The following PFKP variants were observed in gnomAD, a reference collection of about 807,000 sequenced individuals.
PFKP encodes ATP-dependent 6-phosphofructokinase, platelet type.
PFKP carries 101 observed loss-of-function variants against 94.3 expected under a neutral mutation model. That is an observed-to-expected ratio of 1.07 (90% CI 0.91 to 1.26). The LOEUF (loss-of-function observed/expected upper bound fraction) is 1.26. Among genes scored for constraint, PFKP ranks in the 50% most tolerant of loss-of-function variants. PFKP has a pLI of 0.00. For missense variants in PFKP, 1,145 were observed against 1,103.3 expected, an observed-to-expected ratio of 1.04 and a Z score of -0.53; for synonymous variants, 573 against 432.6, an observed-to-expected ratio of 1.32 and a Z score of -4.03.
Position 3,135,537 on chromosome 10 carries a change from C to T in PFKP, c.2123-199C>T, listed in dbSNP as rs543893722. On this transcript the variant is annotated intron_variant, in intron 20 of 21. Coordinates refer to ENST00000381125, the MANE Select transcript of PFKP (RefSeq NM_002627.5). ...CAAAAGCTGCTTTCCAGGAAGCCCT[C>T]GGGGCAGTCCCACAGGAGCAGAGCT... 7.9e-5 allele frequency among the ~76,000 whole-genome samples: 12 copies of T among 152,358 alleles called. No individual in the cohort carries two copies. The South Asian group carries it at 1.9e-3, about 24-fold the overall frequency.
intron 14 of PFKP, 84 bp downstream of exon 14, chr10:3,116,930 C>A (rs181249469): frequency 9.3e-7 from 1 of 1,078,290 alleles, no homozygotes; most frequent in Non-Finnish European, 1.4e-6. Flanking sequence ...TGGGTGCCGA[C>A]GCCAGTTGGA....
intron 16 of PFKP, among the ~76,000 whole-genome samples, chr10:3,126,174 C>T (rs1837923716): frequency 1.3e-5 from 2 of 152,230 alleles, no homozygotes. Flanking sequence ...GTACTTCCTT[C>T]AGAGCTGAGT....
At chr10:3,114,376 C>T (rs1015313455) in intron 13 of PFKP, among the ~76,000 whole-genome samples, 12 of 152,202 alleles carry the variant, frequency 7.9e-5, no homozygotes, top group Non-Finnish European at 1.3e-4. Context: ...TCTTGACCTC[C>T]TGACCTCAGG....
intron 16 of PFKP, among the ~76,000 whole-genome samples, chr10:3,123,003 G>A (rs1007928813): frequency 6.6e-6 from 1 of 152,208 alleles, no homozygotes. Context: ...CTGATGTGGT[G>A]AAGCCTCATC....
intron 1 of PFKP, among the ~76,000 whole-genome samples, chr10:3,080,361 C>T (rs1236371331): frequency 6.6e-6 from 1 of 151,734 alleles, no homozygotes; most frequent in South Asian, 2.1e-4. Context: ...ACTAAAAATA[C>T]AAAAAATTAG....
chr10:3,079,633 G>A (rs563490157), intron 1 of PFKP, among the ~76,000 whole-genome samples: 8 of 141,728 alleles, frequency 5.6e-5, no homozygotes, highest in South Asian at 2.4e-4. Flanking sequence ...ATGAAAGACC[G>A]GTGGGAACGA....
In PFKP at chr10:3,128,326, G is replaced by A. The variant is rs143823984; in HGVS notation, c.1684-1493G>A. On this transcript the variant is annotated intron_variant, in intron 16 of 21. Coordinates refer to ENST00000381125, the MANE Select transcript of PFKP (RefSeq NM_002627.5). Reference sequence around the variant, plus strand: ...GAGACACCGGGATAATTTCTGTGAAGAGAGGACATGGGGTGGCTCCGAGAG... The same window carrying A: ...GAGACACCGGGATAATTTCTGTGAAAAGAGGACATGGGGTGGCTCCGAGAG... Among the ~76,000 whole-genome samples the A allele has an allele frequency of 5.0e-3, 757 of 152,340 alleles. 6 individuals carry two copies. Among genetic ancestry groups the A allele is most frequent in the African/African-American group, 0.017 (721 of 41,574 alleles).
intron 1 of PFKP, among the ~76,000 whole-genome samples, chr10:3,080,704 T>C (rs997261214): frequency 5.3e-5 from 8 of 150,082 alleles, no homozygotes; most frequent in African/African-American, 1.8e-4. Context: ...TTGTTTTTTT[T>C]CTAAACAAGA....
At chr10:3,130,047 T>TAG in intron 17 of PFKP, 64 bp downstream of exon 17, 12 of 1,435,982 alleles carry the variant, frequency 8.4e-6, no homozygotes, top group Non-Finnish European at 1.1e-5. Context: ...GCGGAGTGAA[T>TAG]CATCGTGTCT....
chr10:3,118,787 T>C lies in PFKP; in HGVS notation c.1448T>C (p.Leu483Pro). The C allele has an allele frequency of 1.2e-6, 2 of 1,613,074 alleles. No homozygotes were observed. Among genetic ancestry groups the C allele is most frequent in the South Asian group, 2.2e-5 (2 of 90,918 alleles). The change falls in exon 15 of 22, where the codon CTC becomes CCC. Residue 483 changes from leucine (L) to proline (P), a missense_variant. Leu to Pro is a moderately conservative substitution (Grantham distance 98). Coordinates refer to ENST00000381125, the MANE Select transcript of PFKP (RefSeq NM_002627.5). Reference protein sequence around the residue: ...GGSILGTKRVLPGKYLEEIAT... With the variant: ...GGSILGTKRVPPGKYLEEIAT... ...CTCCACGTGGCTATTTTCAGCGTTC[T>C]CCCGGGGAAGTACTTGGAAGAGATC...
At chr10:3,098,703 T>A (rs555979218) in intron 2 of PFKP, among the ~76,000 whole-genome samples, 392 of 148,006 alleles carry the variant, frequency 2.6e-3, no homozygotes, top group South Asian at 0.011. Flanking sequence ...TAATTGTCCT[T>A]GGGCTTCTTC....
In PFKP at chr10:3,114,269, C is replaced by T. The variant is rs1836569843; in HGVS notation, c.1371+751C>T. ...GGTTCAAGCGATTCTCCTGCCTCAGCCTCCTGAGTAGCTGAAATTACAGGC... is the reference window on the plus strand; with the variant it reads ...GGTTCAAGCGATTCTCCTGCCTCAGTCTCCTGAGTAGCTGAAATTACAGGC... On this transcript the variant is annotated intron_variant, in intron 13 of 21. Transcript: ENST00000381125. Among the ~76,000 whole-genome samples the T allele has an allele frequency of 2.0e-5, 3 of 152,094 alleles. No individual in the cohort carries two copies. In the South Asian group the frequency reaches 6.2e-4, roughly 32 times the overall value.
chr10:3,088,540 G>C (rs1026654575), intron 2 of PFKP, among the ~76,000 whole-genome samples: 11 of 152,176 alleles, frequency 7.2e-5, no homozygotes, highest in Non-Finnish European at 1.0e-4. Flanking sequence ...CCCAGCCGAG[G>C]TGACGGCTCC....
rs992443505 is a variant in PFKP, at chr10:3,123,116, G to A, written c.1683+3072G>A. ...ATGCGGTGCTGGTGAGTGGTCCTCC[G>A]GGCAGAGCAGAAGGAATGAGATACC... On this transcript the variant is annotated intron_variant, in intron 16 of 21. Transcript: ENST00000381125. 6.6e-5 allele frequency among the ~76,000 whole-genome samples: 10 copies of A among 152,260 alleles called. No individual in the cohort carries two copies. In the East Asian group the frequency reaches 9.7e-4, roughly 15 times the overall value.
At chr10:3,109,898 G>T (rs1390008972) in intron 10 of PFKP, among the ~76,000 whole-genome samples, 4 of 151,784 alleles carry the variant, frequency 2.6e-5, no homozygotes, top group African/African-American at 9.7e-5. Flanking sequence ...TGGGGCAGAG[G>T]GGGCAGGGAG....
intron 17 of PFKP, 37 bp downstream of exon 17, chr10:3,130,020 G>A (rs764822269): frequency 1.4e-5 from 21 of 1,527,670 alleles, no homozygotes; most frequent in Non-Finnish European, 1.8e-5. Flanking sequence ...CCGTCCCCTT[G>A]GGATCCACTG....
At chr10:3,069,116 G>A (rs112814475) in intron 1 of PFKP, 24,636 of 500,212 alleles carry the variant, frequency 0.049, 761 homozygotes, top group Non-Finnish European at 0.057. Flanking sequence ...GCGCTCCCCA[G>A]GCCCGCAGCG....
In PFKP at chr10:3,103,798, C is replaced by T. The variant is rs77369610; in HGVS notation, c.474C>T (p.Ala158=). ...GCGCAGGCCAGATCGATAAGGAGGC[C>T]GTGCAGAAGTACGCCTACCTCAACG... is the stretch of plus-strand genomic sequence containing the variant. ...LARNGQIDKE[A]VQKYAYLNVV... is the part of the protein sequence containing the mutation. The change falls in exon 5 of 22, where the codon GCC becomes GCT. Residue 158 remains alanine, a synonymous_variant. Transcript: ENST00000381125. 193 of 1,613,906 alleles carry T rather than the reference C, an allele frequency of 1.2e-4. 1 individual carries two copies. The highest frequency in any genetic ancestry group is 1.1e-3 in the African/African-American group (86 of 75,056).
At chr10:3,082,345 A>AC (rs1162111941) in intron 1 of PFKP, 43 bp from the exon 2 acceptor site, 2 of 1,498,804 alleles carry the variant, frequency 1.3e-6, no homozygotes, top group African/African-American at 2.8e-5. Flanking sequence ...AGCCAGAATT[A>AC]CCCCGGGCTC....
Sources: allele counts gnomAD v4.1 joint callset (sites outside exome capture counted in the v4.1 genomes callset), GRCh38; gene constraint gnomAD v4.1.1; transcripts MANE v1.5; gene names NCBI Gene and HGNC (gene_info 2026-07-23, HGNC 2026-07-21).